Variants in SMARCA2 observed in about 807,000 individuals in gnomAD.
SMARCA2 encodes the protein SWI/SNF-related matrix-associated actin-dependent regulator of chromatin subfamily A member 2.
SMARCA2 carries 61 observed loss-of-function variants against 199.8 expected under a neutral mutation model. The ratio of observed to expected loss-of-function variants is 0.31; its 90% CI spans 0.25 to 0.38. SMARCA2 has a LOEUF of 0.38. Ranked by LOEUF, SMARCA2 falls within the 10% of genes least tolerant of loss-of-function variation. The pLI, the probability that SMARCA2 is intolerant of heterozygous loss-of-function variation, is 1.00. For missense variants in SMARCA2, 1,344 were observed against 2,012.2 expected, an observed-to-expected ratio of 0.67 and a Z score of 6.35; for synonymous variants, 935 against 732.0, an observed-to-expected ratio of 1.28 and a Z score of -4.48.
At chr9:2,188,294 T>C (rs1439256929) in intron 32 of SMARCA2, among the ~76,000 whole-genome samples, 2 of 152,166 alleles carry the variant, frequency 1.3e-5, no homozygotes, top group Non-Finnish European at 2.9e-5. Context: ...CCTGAGCATT[T>C]TACCCATAGA....
chr9:2,173,673 A>T (rs189338423), intron 29 of SMARCA2, among the ~76,000 whole-genome samples: 1 of 152,226 alleles, frequency 6.6e-6, no homozygotes, highest in Non-Finnish European at 1.5e-5. Flanking sequence ...TGCTTCCCAG[A>T]GTGAGTTCTT....
chr9:2,061,523 A>T (rs949638056), intron 9 of SMARCA2, among the ~76,000 whole-genome samples: 5 of 152,198 alleles, frequency 3.3e-5, no homozygotes, highest in Non-Finnish European at 5.9e-5. Context: ...AAAGAGTCCT[A>T]TGTGAAATAT....
chr9:2,187,010 AAATTCCC>A (rs1827506978), intron 32 of SMARCA2, among the ~76,000 whole-genome samples: 1 of 152,200 alleles, frequency 6.6e-6, no homozygotes, highest in Admixed American at 6.5e-5. Context: ...TATTTCTGGC[AAATTCCC>A]AGGGGGAACT....
chr9:2,185,320 G>A (rs754733568), intron 31 of SMARCA2, among the ~76,000 whole-genome samples: 9 of 152,168 alleles, frequency 5.9e-5, no homozygotes, highest in African/African-American at 1.7e-4. Flanking sequence ...TGGACTTAGC[G>A]TAACAATCCT....
At chr9:2,118,218 A>G (rs986314198) in intron 25 of SMARCA2, among the ~76,000 whole-genome samples, 1 of 152,076 alleles carries the variant, frequency 6.6e-6, no homozygotes, top group Non-Finnish European at 1.5e-5. Context: ...GTCTGAACCC[A>G]CTCCCAGCTA....
chr9:2,075,670 G>T (rs1821292272), intron 12 of SMARCA2, among the ~76,000 whole-genome samples: 1 of 152,100 alleles, frequency 6.6e-6, no homozygotes, highest in Admixed American at 6.5e-5. Context: ...TTTGTGTTTT[G>T]TTTTGAGACA....
In SMARCA2 at chr9:2,110,520, G is replaced by A. The variant is rs563290818; in HGVS notation, c.3456+103G>A. 1.2e-4 allele frequency: 107 copies of A among 912,956 alleles called. No individual in the cohort carries two copies. The highest frequency in any genetic ancestry group is 1.5e-4 in the Non-Finnish European group (99 of 641,544). The allele number at this position is 912,956 out of a possible 1,614,324, so 56.6% of individuals were successfully genotyped here. On this transcript the variant is annotated intron_variant, in intron 24 of 33. Transcript: ENST00000349721. This position sits in a 1 kb window ranked among gnomAD's most constrained non-coding sequence, Gnocchi z 4.8. ...TACAGGACAGAGCAAATATCTAAACGAGTGGGCTGTTGCTTTCTTGGAGCC... is the reference window on the plus strand; with the variant it reads ...TACAGGACAGAGCAAATATCTAAACAAGTGGGCTGTTGCTTTCTTGGAGCC...
chr9:2,179,778 C>A (rs1245729325), intron 29 of SMARCA2, among the ~76,000 whole-genome samples: 1 of 152,118 alleles, frequency 6.6e-6, no homozygotes, highest in Non-Finnish European at 1.5e-5. Flanking sequence ...AAGATGACAC[C>A]ATGAAGATGT....
chr9:2,190,990 A>G (rs1402119931), intron 32 of SMARCA2, among the ~76,000 whole-genome samples: 2 of 152,150 alleles, frequency 1.3e-5, no homozygotes, highest in African/African-American at 4.8e-5. Context: ...ATTGGGAGAC[A>G]GGTGAAGGAT....
At chr9:2,098,644 A>G (rs1001138241) in intron 21 of SMARCA2, among the ~76,000 whole-genome samples, 4 of 152,098 alleles carry the variant, frequency 2.6e-5, no homozygotes, top group Non-Finnish European at 5.9e-5. Flanking sequence ...AACAGCAACA[A>G]CACTTTAAAA....
intron 21 of SMARCA2, among the ~76,000 whole-genome samples, chr9:2,101,148 C>A (rs765862920): frequency 1.4e-4 from 21 of 152,084 alleles, no homozygotes; most frequent in Non-Finnish European, 2.6e-4. Context: ...AGGGACACAG[C>A]CAAACCCTAT....
chr9:2,179,215 G>C (rs1420237889), intron 29 of SMARCA2, among the ~76,000 whole-genome samples: 1 of 152,192 alleles, frequency 6.6e-6, no homozygotes, highest in African/African-American at 2.4e-5. Flanking sequence ...TAGAAGAGAA[G>C]TGTGTTGGTG....
chr9:2,155,719 CCTTTTTTTTTTTT>C (rs1563808975), intron 27 of SMARCA2, among the ~76,000 whole-genome samples: 4 of 84,104 alleles, frequency 4.8e-5, no homozygotes, highest in African/African-American at 1.8e-4. Context: ...AAAGAGAAAA[CCTTTTTTTTTTTT>C]TTTTTTTTTT....
chr9:2,168,100 C>T (rs1826029409), intron 28 of SMARCA2, among the ~76,000 whole-genome samples: 1 of 151,124 alleles, frequency 6.6e-6, no homozygotes, highest in African/African-American at 2.4e-5. Context: ...CAACATCTGC[C>T]TCCCGGGTTC....
In SMARCA2 at chr9:2,017,957, C is replaced by A. The variant is rs553559266; in HGVS notation, c.-37+2553C>A. The A allele has an allele frequency of 6.6e-6, 1 of 152,246 alleles. No homozygotes were observed. The highest frequency in any genetic ancestry group is 1.5e-5 in the Non-Finnish European group (1 of 68,072). The allele number at this position is 152,246 out of a possible 1,614,324, so 9.4% of individuals were successfully genotyped here. ...TCCGATCGATTGCGTGGAAAACTTT[C>A]CAGCGGGAGGCACCATGAGGGGGAA... On this transcript the variant is annotated intron_variant, in intron 1 of 33. Transcript: ENST00000349721. The surrounding 1 kb of genome is among the most constrained non-coding windows in gnomAD (Gnocchi z 8.8).
chr9:2,073,126 C>G lies in SMARCA2; in HGVS notation c.1747-86C>G, dbSNP rs12340982. 15,271 of 1,491,448 alleles carry G rather than the reference C, an allele frequency of 0.01. 1,308 individuals are homozygous for G. The African/African-American group carries it at 0.19, about 18-fold the overall frequency. The allele number at this position is 1,491,448 out of a possible 1,614,324, so 92.4% of individuals were successfully genotyped here. On this transcript the variant is annotated intron_variant, in intron 10 of 33. Coordinates refer to ENST00000349721, the MANE Select transcript of SMARCA2 (RefSeq NM_003070.5). ...ACAGAATAAGGTTTCACATGCTGGG[C>G]AGCAAAAACTGCTGAGAAACGTCCA...
intron 27 of SMARCA2, among the ~76,000 whole-genome samples, chr9:2,157,087 TTAAACCGATTA>T (rs1825405812): frequency 6.6e-6 from 1 of 152,206 alleles, no homozygotes; most frequent in Non-Finnish European, 1.5e-5. Context: ...ACAGTATGCA[TTAAACCGATTA>T]AAATAACGTA....
In SMARCA2 at chr9:2,083,349, C is replaced by A; in HGVS notation, c.2351C>A (p.Thr784Asn). Reference protein sequence around the residue: ...GPYLIIVPLSTLSNWTYEFDK... With the variant: ...GPYLIIVPLSNLSNWTYEFDK... ...TGTTTTTTTTTTTTGTTCCATAGGACTCTATCTAACTGGACATATGAATTT... is the reference window on the plus strand; with the variant it reads ...TGTTTTTTTTTTTTGTTCCATAGGAATCTATCTAACTGGACATATGAATTT... Residue 784 changes from threonine (T) to asparagine (N), a missense_variant and splice_region_variant, in exon 16 of 34, where the codon ACT (threonine) becomes AAT (asparagine). By Grantham distance (65) the Thr-to-Asn change is moderately conservative (BLOSUM62 0). This residue lies in a region of SMARCA2 where 50 missense variants were observed against 81.6 expected (regional missense o/e 0.61). Transcript: ENST00000349721. 6.4e-7 allele frequency: 1 copy of A among 1,564,922 alleles called. No individual in the cohort carries two copies. The highest frequency in any genetic ancestry group is 1.8e-5 in the Admixed American group (1 of 56,222).
intron 9 of SMARCA2, among the ~76,000 whole-genome samples, chr9:2,070,147 A>G (rs1415997356): frequency 6.6e-6 from 1 of 152,224 alleles, no homozygotes; most frequent in African/African-American, 2.4e-5. Context: ...GCCCTGTCTT[A>G]AGCTCTTTGG....
Sources: gnomAD v4.1 joint callset for allele counts (sites outside exome capture counted in the v4.1 genomes callset) on GRCh38, gnomAD v4.1.1 for gene constraint, gnomAD v4.1.1 regional missense constraint, Gnocchi (gnomAD v3.1) non-coding constraint, MANE v1.5 for transcripts, NCBI Gene and HGNC (gene_info 2026-07-23, HGNC 2026-07-21) for gene names.